Variants in GNB1 observed in about 807,000 individuals in gnomAD.
GNB1 encodes the protein guanine nucleotide-binding protein G(I)/G(S)/G(T) subunit beta-1.
GNB1 carries 2 observed loss-of-function variants against 42.9 expected under a neutral mutation model. The observed-to-expected ratio is 0.05, with a 90% CI of 0.02 to 0.15. The LOEUF (loss-of-function observed/expected upper bound fraction) is 0.15, where lower values mean the gene tolerates loss of function less well. GNB1 is among the 10% of genes least tolerant of loss of function. GNB1 has a pLI of 1.00. For synonymous variants in GNB1, 183 were observed against 174.7 expected (o/e 1.05, Z -0.38); for missense variants, 193 against 462.2 (o/e 0.42, Z 5.34).
chr1:1,808,020 T>C (rs995834743), intron 5 of GNB1, among the ~76,000 whole-genome samples: 25 of 151,832 alleles, frequency 1.6e-4, no homozygotes. Context: ...CTTTTTTTTG[T>C]TTTTGAGATG....
At chr1:1,834,221 G>A (rs531736532) in intron 2 of GNB1, among the ~76,000 whole-genome samples, 1 of 152,104 alleles carries the variant, frequency 6.6e-6, no homozygotes, top group Non-Finnish European at 1.5e-5. Context: ...TCTCCAGGGA[G>A]GGGTCTAACA....
At chr1:1,792,316 T>C (rs905001801) in intron 8 of GNB1, among the ~76,000 whole-genome samples, 11 of 152,024 alleles carry the variant, frequency 7.2e-5, no homozygotes, top group Non-Finnish European at 1.5e-4. Context: ...AAACCCACCC[T>C]ACTCCCACCT....
At position 1,806,520 on chromosome 1, in the gene GNB1, C is replaced by T. The variant is rs545209841; in HGVS notation, c.222G>A (p.Ser74=). The part of the protein sequence containing the change: ...GTDSRLLVSA[S]QDGKLIIWDS... ...CCCAGATGATAAGTTTACCATCCTG[C>T]GAGGCACTGACGAGAAGCCTGGAGG... Residue 74 remains serine, a synonymous_variant, in exon 6 of 12, where the codon TCG becomes TCA. Transcript: ENST00000378609. 2.1e-5 allele frequency: 33 copies of T among 1,609,530 alleles called. No individual in the cohort carries two copies. Among genetic ancestry groups the T allele is most frequent in the South Asian group, 2.0e-4 (18 of 90,738 alleles).
chr1:1,832,207 T>A (rs1219788263), intron 2 of GNB1: 2 of 152,158 alleles, frequency 1.3e-5, no homozygotes, highest in African/African-American at 4.8e-5. Context: ...AAAGAATAAA[T>A]GTAAATTTTA....
chr1:1,795,108 C>G (rs1476316729), intron 7 of GNB1, among the ~76,000 whole-genome samples: 1 of 152,230 alleles, frequency 6.6e-6, no homozygotes, highest in Non-Finnish European at 1.5e-5. Context: ...GGCCACACCA[C>G]AGGGACACTA....
intron 7 of GNB1, among the ~76,000 whole-genome samples, chr1:1,797,215 A>G (rs146960004): frequency 2.0e-5 from 3 of 152,120 alleles, no homozygotes; most frequent in African/African-American, 7.2e-5. Flanking sequence ...GTTTATAATA[A>G]ATTGTGGGAA....
Position 1,790,250 on chromosome 1 carries a change from G to A in GNB1, c.699+145C>T. On this transcript the variant is annotated intron_variant, in intron 9 of 11. Coordinates refer to ENST00000378609, the MANE Select transcript of GNB1 (RefSeq NM_002074.5). This position sits in a 1 kb window ranked among gnomAD's most constrained non-coding sequence, Gnocchi z 5.4. ...TCAACACAGAGAAGTTTCCCATCGG[G>A]AGTTTTCTGTATCCCCATCTGTACA... 2 of 630,506 alleles carry A rather than the reference G, an allele frequency of 3.2e-6. No individual in the cohort carries two copies. Among genetic ancestry groups the A allele is most frequent in the Non-Finnish European group, 5.6e-6 (2 of 354,302 alleles). The allele number at this position is 630,506 out of a possible 1,614,324, so 39.1% of individuals were successfully genotyped here.
Position 1,790,239 on chromosome 1 carries a change from T to C in GNB1, c.699+156A>G, listed in dbSNP as rs1330958316. Among the ~76,000 whole-genome samples the C allele has an allele frequency of 2.0e-5, 3 of 152,150 alleles. No homozygotes were observed. Among genetic ancestry groups the C allele is most frequent in the Admixed American group, 6.5e-5 (1 of 15,276 alleles). ...GAGACAAGTGGTCAACACAGAGAAG[T>C]TTCCCATCGGGAGTTTTCTGTATCC... On this transcript the variant is annotated intron_variant, in intron 9 of 11. Coordinates refer to ENST00000378609, the MANE Select transcript of GNB1 (RefSeq NM_002074.5). The surrounding 1 kb of genome is among the most constrained non-coding windows in gnomAD (Gnocchi z 5.4).
intron 1 of GNB1, among the ~76,000 whole-genome samples, chr1:1,858,731 A>G (rs1472602914): frequency 2.6e-5 from 4 of 152,238 alleles, no homozygotes; most frequent in Non-Finnish European, 5.9e-5. Context: ...GAAGCACAGC[A>G]GAACATCAGC....
Position 1,785,606 on chromosome 1 carries a change from A to C in GNB1, c.*1457T>G. 5.3e-6 allele frequency: 1 copy of C among 188,762 alleles called. No homozygotes were observed. Among genetic ancestry groups the C allele is most frequent in the Non-Finnish European group, 1.1e-5 (1 of 92,674 alleles). The allele number at this position is 188,762 out of a possible 1,614,324, so 11.7% of individuals were successfully genotyped here. On this transcript the variant is annotated 3_prime_UTR_variant, in exon 12 of 12. Coordinates refer to ENST00000378609, the MANE Select transcript of GNB1 (RefSeq NM_002074.5). ...GGGGCGGGGCGGGGGGTCCCACAGA[A>C]CCTGCTTTCCAAACGCTGCTGCTGA...
intron 2 of GNB1, among the ~76,000 whole-genome samples, chr1:1,831,092 G>T (rs1445520141): frequency 1.3e-5 from 2 of 152,224 alleles, no homozygotes; most frequent in Non-Finnish European, 2.9e-5. Context: ...TTGAACCTGG[G>T]AGGCGGAGGC....
Position 1,807,493 on chromosome 1 carries a change from A to C in GNB1, c.204-955T>G, listed in dbSNP as rs1412422529. 1.2e-4 allele frequency among the ~76,000 whole-genome samples: 18 copies of C among 144,276 alleles called. 1 individual carries two copies. In the East Asian group the frequency reaches 2.1e-3, roughly 17 times the overall value. 94.7% of individuals were successfully genotyped at this position (144,276 alleles called of 152,430 possible). ...AAAAAAAAAAAAAAAAAAAAAAAAA[A>C]CAAACAGAAAGAACAAACCACTTTT... is the stretch of plus-strand genomic sequence containing the variant. On this transcript the variant is annotated intron_variant, in intron 5 of 11. Coordinates refer to ENST00000378609, the MANE Select transcript of GNB1 (RefSeq NM_002074.5).
intron 1 of GNB1, among the ~76,000 whole-genome samples, chr1:1,876,173 C>T (rs1649535230): frequency 6.6e-6 from 1 of 152,176 alleles, no homozygotes; most frequent in African/African-American, 2.4e-5. Flanking sequence ...GGAATCAATT[C>T]ATTCTGAGCC....
intron 1 of GNB1, among the ~76,000 whole-genome samples, chr1:1,841,087 T>C (rs1318981156): frequency 6.6e-6 from 1 of 152,116 alleles, no homozygotes; most frequent in African/African-American, 2.4e-5. Flanking sequence ...AGACGGGTTT[T>C]CACCATATTG....
intron 3 of GNB1, among the ~76,000 whole-genome samples, chr1:1,822,517 G>A (rs925446211): frequency 2.6e-5 from 4 of 151,940 alleles, no homozygotes; most frequent in South Asian, 2.1e-4. Flanking sequence ...GGGTTTCACC[G>A]TGTTAGCCAG....
At chr1:1,844,155 A>G (rs1647485597) in intron 1 of GNB1, among the ~76,000 whole-genome samples, 1 of 152,016 alleles carries the variant, frequency 6.6e-6, no homozygotes. Context: ...AGATTGCGTC[A>G]CTGCACTCCA....
chr1:1,873,408 A>C (rs1649357756), intron 1 of GNB1, among the ~76,000 whole-genome samples: 2 of 152,220 alleles, frequency 1.3e-5, no homozygotes, highest in African/African-American at 2.4e-5. Context: ...GGGTGAGGGC[A>C]ATGGGAAGCA....
rs140690809 is a variant in GNB1 at position 1,844,881 on chromosome 1, G to A, written c.-95-5643C>T. ...TCAACCCTGAAAAAGTCTATATTCCGGAAAACATCCAGCCCCAAGAGTTTT... is the reference window on the plus strand; with the variant it reads ...TCAACCCTGAAAAAGTCTATATTCCAGAAAACATCCAGCCCCAAGAGTTTT... On this transcript the variant is annotated intron_variant, in intron 1 of 11. Coordinates refer to ENST00000378609, the MANE Select transcript of GNB1 (RefSeq NM_002074.5). Among the ~76,000 whole-genome samples the A allele has an allele frequency of 9.1e-3, 1,384 of 152,224 alleles. 23 individuals are homozygous for A. The highest frequency in any genetic ancestry group is 0.031 in the African/African-American group (1,280 of 41,536).
At chr1:1,816,031 T>C (rs1646850214) in intron 4 of GNB1, among the ~76,000 whole-genome samples, 169 bp from the exon 5 acceptor site, 1 of 152,176 alleles carries the variant, frequency 6.6e-6, no homozygotes, top group South Asian at 2.1e-4. Context: ...ACCCCTTCCG[T>C]ACCTCTTACC....
Sources: allele counts gnomAD v4.1 joint callset (sites outside exome capture counted in the v4.1 genomes callset), GRCh38; gene constraint gnomAD v4.1.1; non-coding constraint Gnocchi (gnomAD v3.1); transcripts MANE v1.5; gene names NCBI Gene and HGNC (gene_info 2026-07-23, HGNC 2026-07-21).